TXK: variants seen among roughly 807,000 people sequenced by gnomAD.
TXK encodes tyrosine-protein kinase TXK.
TXK carries 60 observed loss-of-function variants against 81.0 expected under a neutral mutation model. The observed-to-expected ratio is 0.74, with a 90% CI of 0.60 to 0.92. The LOEUF is 0.92. TXK is among the 40% of genes least tolerant of loss of function. The pLI is 0.00. For missense variants in TXK, 581 were observed against 638.3 expected, an observed-to-expected ratio of 0.91 and a Z score of 0.97; for synonymous variants, 203 against 210.7, an observed-to-expected ratio of 0.96 and a Z score of 0.32.
At chr4:48,080,372 C>T (rs551009705) in intron 10 of TXK, among the ~76,000 whole-genome samples, 36 of 152,236 alleles carry the variant, frequency 2.4e-4, no homozygotes, top group East Asian at 1.5e-3. Context: ...ATATTCTACG[C>T]GTAAGCATTT....
chr4:48,112,821 A>AT (rs143459545), intron 3 of TXK, among the ~76,000 whole-genome samples: 1,807 of 151,666 alleles, frequency 0.012, 32 homozygotes, highest in African/African-American at 0.039. Flanking sequence ...TGTTTTAAGG[A>AT]TTTTTTTTCT....
intron 5 of TXK, among the ~76,000 whole-genome samples, chr4:48,107,366 T>C (rs911341601): frequency 2.0e-5 from 3 of 151,458 alleles, no homozygotes; most frequent in African/African-American, 2.4e-5. Flanking sequence ...GACACAGCAT[T>C]CCTTCCACCA....
intron 1 of TXK, among the ~76,000 whole-genome samples, chr4:48,131,831 G>A (rs1365908127): frequency 2.6e-5 from 4 of 152,176 alleles, no homozygotes; most frequent in Non-Finnish European, 5.9e-5. Context: ...AAGAGCAGAT[G>A]CTCACACAGC....
At chr4:48,081,457 T>C (rs942878854) in intron 10 of TXK, among the ~76,000 whole-genome samples, 5 of 152,180 alleles carry the variant, frequency 3.3e-5, no homozygotes, top group Admixed American at 2.6e-4. Flanking sequence ...TACATTCTTG[T>C]TTGTTATAAC....
Position 48,086,622 on chromosome 4 carries a change from T to C in TXK, c.800A>G (p.Asp267Gly), listed in dbSNP as rs1717542086. Residue 267 changes from aspartate (D) to glycine (G), a missense_variant, in exon 10 of 15, where the codon GAT becomes GGT. Asp to Gly is a moderately conservative substitution (Grantham distance 94). Coordinates refer to ENST00000264316, the MANE Select transcript of TXK (RefSeq NM_003328.3). ...AGFSYEKWEI[D>G]PSELAFIKEI... ...CTTTATAAAAGCCAACTCAGATGGA[T>C]CTATCTCCCACTTTTCTGAAAAAGT... 2.5e-6 allele frequency: 4 copies of C among 1,613,934 alleles called. No homozygotes were observed. The highest frequency in any genetic ancestry group is 2.5e-6 in the Non-Finnish European group (3 of 1,179,910).
At chr4:48,120,522 G>A (rs2940330) in intron 1 of TXK, among the ~76,000 whole-genome samples, 57,717 of 149,506 alleles carry the variant, frequency 0.39, 11,774 homozygotes, top group East Asian at 0.65. Flanking sequence ...ACCAAGTCTC[G>A]CTCTGTCGCC....
At chr4:48,086,107 C>T (rs907735963) in intron 10 of TXK, among the ~76,000 whole-genome samples, 5 of 152,202 alleles carry the variant, frequency 3.3e-5, no homozygotes, top group Admixed American at 3.3e-4. Flanking sequence ...CTCCTCCTCC[C>T]GTAAGGGATT....
rs531868226 is a variant in TXK, at chr4:48,075,665, G to A, written c.1238+737C>T. On this transcript the variant is annotated intron_variant, in intron 12 of 14. Transcript: ENST00000264316. ...ACTCTGTCGAAAAAAAAAATTGCCA[G>A]TTCTGAATGAATCTTGCAGAAAAAA... Among the ~76,000 whole-genome samples the A allele has an allele frequency of 3.3e-5, 5 of 152,118 alleles. No individual in the cohort carries two copies. The South Asian group carries it at 8.3e-4, about 25-fold the overall frequency.
At chr4:48,079,887 A>G in intron 11 of TXK, 25 bp downstream of exon 11, 1 of 1,569,638 alleles carries the variant, frequency 6.4e-7, no homozygotes, top group Non-Finnish European at 8.8e-7. Context: ...TACAAAAAAA[A>G]AAAGTAAATT....
At chr4:48,088,114 A>T (rs978817717) in intron 9 of TXK, among the ~76,000 whole-genome samples, 2 of 152,218 alleles carry the variant, frequency 1.3e-5, no homozygotes, top group African/African-American at 4.8e-5. Flanking sequence ...ATAATGAGAT[A>T]CTACGACACA....
At position 48,067,679 on chromosome 4, in the gene TXK, G is replaced by T. The variant is rs2230594; in HGVS notation, c.1542C>A (p.Ala514=). The T allele has an allele frequency of 3.1e-6, 5 of 1,613,758 alleles. No homozygotes were observed. The highest frequency in any genetic ancestry group is 1.7e-5 in the Admixed American group (1 of 59,990). ...TCTCTGTGACAGCCCGCAGCAGCTC[G>T]GCAAATGTAGGGCGGCCTTCAGGTT... The part of the protein sequence containing the change: ...HEKPEGRPTF[A]ELLRAVTEIA... Residue 514 remains alanine, a synonymous_variant, in exon 15 of 15, where the codon GCC becomes GCA. Transcript: ENST00000264316.
intron 6 of TXK, among the ~76,000 whole-genome samples, chr4:48,101,222 A>T (rs1484978643): frequency 1.3e-5 from 2 of 152,180 alleles, no homozygotes; most frequent in African/African-American, 4.8e-5. Flanking sequence ...AATTTAAAAT[A>T]GGCAATTCTC....
chr4:48,098,640 T>C (rs116769985), intron 6 of TXK, among the ~76,000 whole-genome samples: 1 of 152,116 alleles, frequency 6.6e-6, no homozygotes, highest in Non-Finnish European at 1.5e-5. Context: ...TCCAGCATCG[T>C]GCTATATGTG....
At chr4:48,099,582 C>G (rs1718109377) in intron 6 of TXK, among the ~76,000 whole-genome samples, 1 of 151,990 alleles carries the variant, frequency 6.6e-6, no homozygotes, top group African/African-American at 2.4e-5. Flanking sequence ...GATTCTGAAG[C>G]TTATATGGAC....
chr4:48,101,797 G>GA (rs1194809243), intron 6 of TXK, among the ~76,000 whole-genome samples: 73 of 134,208 alleles, frequency 5.4e-4, no homozygotes, highest in African/African-American at 6.8e-4. Context: ...CTTATACTAA[G>GA]AAAAAAAAAA....
At chr4:48,115,029 CTTTCT>C (rs1011128386) in intron 1 of TXK, among the ~76,000 whole-genome samples, 5 of 121,026 alleles carry the variant, frequency 4.1e-5, no homozygotes, top group East Asian at 3.2e-4. Flanking sequence ...GTATTTCTTT[CTTTCT>C]TTTTTTTTTT....
intron 11 of TXK, among the ~76,000 whole-genome samples, chr4:48,079,105 C>T (rs148814886): frequency 1.3e-3 from 194 of 152,338 alleles, no homozygotes; most frequent in African/African-American, 4.5e-3. Flanking sequence ...CTGACTCCAT[C>T]TTGCTTCTAA....
At chr4:48,124,020 TA>T (rs1719022908) in intron 1 of TXK, among the ~76,000 whole-genome samples, 1 of 152,202 alleles carries the variant, frequency 6.6e-6, no homozygotes, top group African/African-American at 2.4e-5. Flanking sequence ...CCAAAGCACC[TA>T]TGCCCTGTCC....
At chr4:48,104,988 T>C (rs760831346) in intron 5 of TXK, 33 bp from the exon 6 acceptor site, 3 of 1,491,706 alleles carry the variant, frequency 2.0e-6, no homozygotes, top group Non-Finnish European at 2.7e-6. Flanking sequence ...TTTTAAATTT[T>C]ATATTCAATT....
Sources: gnomAD v4.1 joint callset for allele counts (sites outside exome capture counted in the v4.1 genomes callset) on GRCh38, gnomAD v4.1.1 for gene constraint, MANE v1.5 for transcripts, NCBI Gene and HGNC (gene_info 2026-07-23, HGNC 2026-07-21) for gene names.